NELL1: variants seen among roughly 807,000 people sequenced by gnomAD.
The protein encoded by NELL1 is protein kinase C-binding protein NELL1.
NELL1 carries 76 observed loss-of-function variants against 107.4 expected under a neutral mutation model. The ratio of observed to expected loss-of-function variants is 0.71; its 90% CI spans 0.59 to 0.86. The LOEUF is 0.86. Ranked by LOEUF, NELL1 falls within the 40% of genes least tolerant of loss-of-function variation. The pLI is 0.00. For missense variants in NELL1, 1,024 were observed against 1,005.5 expected (o/e 1.02, Z -0.25); for synonymous variants, 353 against 341.2 (o/e 1.03, Z -0.38).
chr11:20,752,489 C>T (rs1430579947), intron 2 of NELL1, among the ~76,000 whole-genome samples: 3 of 152,240 alleles, frequency 2.0e-5, no homozygotes, highest in South Asian at 2.1e-4. Flanking sequence ...GTGGAGGTTG[C>T]GGTGAGCCAG....
chr11:20,910,442 A>G (rs1850102588), intron 5 of NELL1, among the ~76,000 whole-genome samples: 2 of 152,302 alleles, frequency 1.3e-5, no homozygotes, highest in South Asian at 2.1e-4. Context: ...CAATCATTCT[A>G]TCACATACTT....
At chr11:21,029,862 T>C (rs1388512623) in intron 12 of NELL1, among the ~76,000 whole-genome samples, 2 of 152,190 alleles carry the variant, frequency 1.3e-5, no homozygotes, top group Non-Finnish European at 2.9e-5. Flanking sequence ...ATTTCTGTAA[T>C]GGAAAAGAAA....
chr11:20,772,055 T>G (rs555229000), intron 2 of NELL1, among the ~76,000 whole-genome samples: 5 of 152,328 alleles, frequency 3.3e-5, no homozygotes, highest in African/African-American at 1.2e-4. Flanking sequence ...CCCTACTGTT[T>G]ACTATTGAAT....
chr11:21,227,543 A>C (rs1017850256), intron 13 of NELL1, among the ~76,000 whole-genome samples: 1 of 152,178 alleles, frequency 6.6e-6, no homozygotes, highest in Non-Finnish European at 1.5e-5. Flanking sequence ...CTTGGAGTAT[A>C]AGTCTGAATC....
intron 13 of NELL1, among the ~76,000 whole-genome samples, chr11:21,152,585 A>G (rs937529044): frequency 6.6e-6 from 1 of 152,152 alleles, no homozygotes; most frequent in African/African-American, 2.4e-5. Context: ...ATGAATCCTG[A>G]TAATACAGCA....
intron 12 of NELL1, among the ~76,000 whole-genome samples, chr11:21,088,360 T>C (rs1471309990): frequency 6.6e-6 from 1 of 152,110 alleles, no homozygotes; most frequent in Non-Finnish European, 1.5e-5. Flanking sequence ...CTATGCAAAG[T>C]ACAGTTAGAG....
intron 2 of NELL1, among the ~76,000 whole-genome samples, chr11:20,727,207 T>C (rs532320153): frequency 2.0e-5 from 3 of 152,290 alleles, no homozygotes; most frequent in Non-Finnish European, 2.9e-5. Flanking sequence ...GTTTACAGTC[T>C]CACCAACAGT....
At chr11:21,471,798 A>G (rs191831683) in intron 15 of NELL1, among the ~76,000 whole-genome samples, 40 of 152,206 alleles carry the variant, frequency 2.6e-4, no homozygotes, top group African/African-American at 9.1e-4. Context: ...TTCACTGAAC[A>G]AATACATGCA....
chr11:21,059,617 C>T (rs1447666295), intron 12 of NELL1, among the ~76,000 whole-genome samples: 2 of 152,100 alleles, frequency 1.3e-5, no homozygotes, highest in Admixed American at 6.5e-5. Flanking sequence ...TTCGGATATA[C>T]ACTAGGGTCT....
At chr11:21,006,392 G>A (rs1447397877) in intron 12 of NELL1, among the ~76,000 whole-genome samples, 2 of 151,826 alleles carry the variant, frequency 1.3e-5, no homozygotes, top group Admixed American at 1.3e-4. Context: ...CCTTAACCTT[G>A]GACTTTTCAG....
intron 12 of NELL1, among the ~76,000 whole-genome samples, chr11:20,961,024 T>C (rs1000795010): frequency 6.6e-6 from 1 of 152,188 alleles, no homozygotes; most frequent in African/African-American, 2.4e-5. Flanking sequence ...AGTGGGTTTC[T>C]TCGTGACTGG....
intron 12 of NELL1, among the ~76,000 whole-genome samples, chr11:21,044,197 C>T (rs564450148): frequency 1.3e-5 from 2 of 152,164 alleles, no homozygotes; most frequent in East Asian, 1.9e-4. Context: ...GTGCCTTTAG[C>T]AAGAAAGCAG....
chr11:21,033,286 G>C (rs1430524230), intron 12 of NELL1, among the ~76,000 whole-genome samples: 1 of 152,112 alleles, frequency 6.6e-6, no homozygotes, highest in Non-Finnish European at 1.5e-5. Flanking sequence ...TATTCTCCAA[G>C]TATTTTTTTA....
chr11:21,040,769 T>C (rs899973303), intron 12 of NELL1, among the ~76,000 whole-genome samples: 1 of 152,186 alleles, frequency 6.6e-6, no homozygotes, highest in Non-Finnish European at 1.5e-5. Context: ...TTATCTTGGA[T>C]TGTTAGAAAA....
At chr11:21,133,155 C>T (rs1368087112) in intron 13 of NELL1, among the ~76,000 whole-genome samples, 2 of 152,074 alleles carry the variant, frequency 1.3e-5, no homozygotes, top group Admixed American at 1.3e-4. Flanking sequence ...AGCTTCTTTC[C>T]TCAGGCAGGT....
chr11:21,393,905 G>T (rs1381235764), intron 15 of NELL1, among the ~76,000 whole-genome samples: 1 of 151,720 alleles, frequency 6.6e-6, no homozygotes, highest in Non-Finnish European at 1.5e-5. Context: ...ACTATGGGAA[G>T]TCCTCTCAGG....
chr11:21,216,946 T>A (rs761503212), intron 13 of NELL1, among the ~76,000 whole-genome samples: 15 of 152,066 alleles, frequency 9.9e-5, no homozygotes, highest in Non-Finnish European at 1.9e-4. Context: ...AATGATATGG[T>A]TTGGCTGTTT....
At chr11:21,468,609 C>A (rs2133882791) in intron 15 of NELL1, among the ~76,000 whole-genome samples, 1 of 152,088 alleles carries the variant, frequency 6.6e-6, no homozygotes, top group South Asian at 2.1e-4. Flanking sequence ...AAGTTATTAT[C>A]TGACTGGAAA....
intron 15 of NELL1, among the ~76,000 whole-genome samples, chr11:21,469,020 G>A (rs1854104654): frequency 6.6e-6 from 1 of 151,758 alleles, no homozygotes; most frequent in Non-Finnish European, 1.5e-5. Flanking sequence ...GTTTTGTTTT[G>A]TTTTGTTTTG....
Sources: allele counts gnomAD v4.1 joint callset (sites outside exome capture counted in the v4.1 genomes callset), GRCh38; gene constraint gnomAD v4.1.1; transcripts MANE v1.5; gene names NCBI Gene and HGNC (gene_info 2026-07-23, HGNC 2026-07-21).